The following MIPEP variants were observed in gnomAD, a reference collection of about 807,000 sequenced individuals.
MIPEP encodes mitochondrial intermediate peptidase.
MIPEP carries 79 observed loss-of-function variants against 90.3 expected under a neutral mutation model. That is an observed-to-expected ratio of 0.87 (90% CI 0.73 to 1.05). The LOEUF (loss-of-function observed/expected upper bound fraction) is 1.05, where lower values mean the gene tolerates loss of function less well. MIPEP is among the 50% of genes least tolerant of loss of function. MIPEP has a pLI of 0.00. For missense variants in MIPEP, 940 were observed against 905.6 expected, an observed-to-expected ratio of 1.04 and a Z score of -0.49; for synonymous variants, 334 against 315.8, an observed-to-expected ratio of 1.06 and a Z score of -0.61.
chr13:23,747,386 G>A (rs1421481563), intron 18 of MIPEP, among the ~76,000 whole-genome samples: 1 of 152,184 alleles, frequency 6.6e-6, no homozygotes, highest in Non-Finnish European at 1.5e-5. Flanking sequence ...ACCTATTTGG[G>A]AATGGATAGC....
At chr13:23,825,343 A>G (rs753853319) in intron 14 of MIPEP, among the ~76,000 whole-genome samples, 3 of 152,212 alleles carry the variant, frequency 2.0e-5, no homozygotes, top group Non-Finnish European at 4.4e-5. Flanking sequence ...ACATCTCTTG[A>G]AAGAGGATGA....
At chr13:23,788,682 C>G (rs1399557273) in intron 16 of MIPEP, among the ~76,000 whole-genome samples, 1 of 152,198 alleles carries the variant, frequency 6.6e-6, no homozygotes. Flanking sequence ...ATGATGCGCA[C>G]TAGTTTATCT....
chr13:23,881,885 A>G, intron 2 of MIPEP, 98 bp from the exon 3 acceptor site: 1 of 905,042 alleles, frequency 1.1e-6, no homozygotes, highest in Non-Finnish European at 1.8e-6. Flanking sequence ...AAGATGTGCC[A>G]TTGGCTTGCC....
At chr13:23,847,463 CT>C (rs1566015976) in intron 10 of MIPEP, among the ~76,000 whole-genome samples, 3 of 13,244 alleles carry the variant, frequency 2.3e-4, no homozygotes, top group African/African-American at 3.7e-4. Context: ...CAAATCCAAG[CT>C]AAAAAAAAAA....
intron 16 of MIPEP, among the ~76,000 whole-genome samples, chr13:23,803,231 C>T (rs1203663924): frequency 2.0e-5 from 3 of 151,822 alleles, no homozygotes; most frequent in Admixed American, 6.6e-5. Context: ...GGAGTGGTGG[C>T]GCACACCTGT....
chr13:23,783,030 A>G (rs1429291792), intron 16 of MIPEP, among the ~76,000 whole-genome samples: 1 of 152,240 alleles, frequency 6.6e-6, no homozygotes, highest in African/African-American at 2.4e-5. Context: ...CAGAGGTACA[A>G]GGAGGAGCTG....
At chr13:23,736,321 G>A (rs1025980554) in intron 18 of MIPEP, among the ~76,000 whole-genome samples, 3 of 152,144 alleles carry the variant, frequency 2.0e-5, no homozygotes, top group African/African-American at 7.2e-5. Context: ...GCTCACAAAA[G>A]GAAGCAGGTA....
chr13:23,789,296 T>C (rs1341697373), intron 16 of MIPEP, among the ~76,000 whole-genome samples: 1 of 152,230 alleles, frequency 6.6e-6, no homozygotes, highest in Non-Finnish European at 1.5e-5. Flanking sequence ...GCATTTGTGA[T>C]TTCTTCCATT....
chr13:23,801,184 C>T (rs1408713), intron 16 of MIPEP, among the ~76,000 whole-genome samples: 14 of 152,120 alleles, frequency 9.2e-5, no homozygotes, highest in Non-Finnish European at 1.9e-4. Context: ...CTCTTTGGCC[C>T]GCATGGGAAG....
At chr13:23,843,562 T>A (rs1045733332) in intron 10 of MIPEP, among the ~76,000 whole-genome samples, 1 of 152,208 alleles carries the variant, frequency 6.6e-6, no homozygotes, top group African/African-American at 2.4e-5. Flanking sequence ...ACATAGAATT[T>A]CTAATATTTT....
intron 16 of MIPEP, among the ~76,000 whole-genome samples, chr13:23,770,425 A>AT (rs1243597964): frequency 6.6e-6 from 1 of 152,186 alleles, no homozygotes; most frequent in East Asian, 1.9e-4. Context: ...GAGTAAAAAA[A>AT]GGGGAGGGGG....
intron 14 of MIPEP, among the ~76,000 whole-genome samples, chr13:23,828,492 G>A (rs552485128): frequency 6.6e-6 from 1 of 152,284 alleles, no homozygotes; most frequent in East Asian, 1.9e-4. Context: ...CTGTAAACAA[G>A]AGCACTATAC....
intron 5 of MIPEP, among the ~76,000 whole-genome samples, chr13:23,872,108 T>A (rs937651508): frequency 1.3e-5 from 2 of 152,224 alleles, no homozygotes; most frequent in African/African-American, 4.8e-5. Flanking sequence ...TGTTATTAAA[T>A]AATGTTAAAA....
chr13:23,881,398 C>T lies in MIPEP; in HGVS notation c.452+301G>A, dbSNP rs531577105. On this transcript the variant is annotated intron_variant, in intron 3 of 18. Transcript: ENST00000382172. Reference sequence around the variant, plus strand: ...TGTCATCTCAGATTATCAAGTGACACCTTTACATTGATCTCATTTAACACT... The same window carrying T: ...TGTCATCTCAGATTATCAAGTGACATCTTTACATTGATCTCATTTAACACT... Among the ~76,000 whole-genome samples the T allele has an allele frequency of 3.9e-5, 6 of 152,302 alleles. No homozygotes were observed. In the East Asian group the frequency reaches 1.2e-3, roughly 29 times the overall value.
At chr13:23,821,659 G>T (rs1953306491) in intron 14 of MIPEP, among the ~76,000 whole-genome samples, 1 of 152,090 alleles carries the variant, frequency 6.6e-6, no homozygotes, top group South Asian at 2.1e-4. Context: ...TATCTGAGGG[G>T]GGTTGGTTCC....
intron 16 of MIPEP, among the ~76,000 whole-genome samples, chr13:23,768,326 C>A (rs1456577618): frequency 6.6e-6 from 1 of 152,168 alleles, no homozygotes; most frequent in Non-Finnish European, 1.5e-5. Context: ...TTTGTTTCTA[C>A]CATGTCTGCT....
At chr13:23,763,756 TG>T (rs1345303216) in intron 16 of MIPEP, among the ~76,000 whole-genome samples, 2 of 152,220 alleles carry the variant, frequency 1.3e-5, no homozygotes, top group African/African-American at 4.8e-5. Context: ...CCAGGTCTTC[TG>T]GCACACACAT....
At chr13:23,752,320 C>T (rs1257661132) in intron 18 of MIPEP, among the ~76,000 whole-genome samples, 1 of 152,118 alleles carries the variant, frequency 6.6e-6, no homozygotes, top group Non-Finnish European at 1.5e-5. Context: ...GTTTCCATTC[C>T]TAATATCTAT....
intron 5 of MIPEP, among the ~76,000 whole-genome samples, chr13:23,871,000 C>A (rs1317732023): frequency 6.6e-6 from 1 of 152,144 alleles, no homozygotes; most frequent in Non-Finnish European, 1.5e-5. Context: ...CACACCACTG[C>A]AACCTGGGCA....
Sources: allele counts gnomAD v4.1 joint callset (sites outside exome capture counted in the v4.1 genomes callset), GRCh38; gene constraint gnomAD v4.1.1; transcripts MANE v1.5; gene names NCBI Gene and HGNC (gene_info 2026-07-23, HGNC 2026-07-21).